Variants in PIEZO2 observed in about 807,000 individuals in gnomAD.
PIEZO2 encodes the protein piezo type mechanosensitive ion channel component 2, also known as piezo-type mechanosensitive ion channel component 2.
PIEZO2 carries 172 observed loss-of-function variants against 337.3 expected under a neutral mutation model. The observed-to-expected ratio is 0.51, with a 90% CI of 0.45 to 0.58. The LOEUF is 0.58. PIEZO2 is among the 20% of genes least tolerant of loss of function. The probability of loss-of-function intolerance (pLI) is 0.00; values close to 1 mark genes in which losing one functional copy is unlikely to be tolerated. For missense variants in PIEZO2, 3,028 were observed against 3,391.3 expected, an observed-to-expected ratio of 0.89 and a Z score of 2.66; for synonymous variants, 1,251 against 1,228.5, an observed-to-expected ratio of 1.02 and a Z score of -0.38.
intron 39 of PIEZO2, among the ~76,000 whole-genome samples, chr18:10,710,627 T>G (rs938385667): frequency 6.6e-6 from 1 of 152,238 alleles, no homozygotes; most frequent in East Asian, 1.9e-4. Flanking sequence ...ACCCAGACTC[T>G]GTCTACTGTC....
intron 2 of PIEZO2, among the ~76,000 whole-genome samples, chr18:11,007,511 G>A (rs1056016718): frequency 6.6e-6 from 1 of 152,102 alleles, no homozygotes; most frequent in African/African-American, 2.4e-5. Context: ...ATTTAAGGAT[G>A]TCAATAAGCC....
At position 10,962,264 on chromosome 18, in the gene PIEZO2, C is replaced by T. The variant is rs1280007247; in HGVS notation, c.286+17271G>A. Among the ~76,000 whole-genome samples the T allele has an allele frequency of 6.6e-6, 1 of 152,188 alleles. No individual in the cohort carries two copies. Among genetic ancestry groups the T allele is most frequent in the Non-Finnish European group, 1.5e-5 (1 of 68,032 alleles). The stretch of plus-strand genomic sequence containing the variant: ...ACTGGCAACAGGTTAAATACGCAAT[C>T]GTAGCCCTTCTCCCATCCATTCTGC... On this transcript the variant is annotated intron_variant, in intron 3 of 55. Coordinates refer to ENST00000674853, the MANE Select transcript of PIEZO2 (RefSeq NM_001378183.1). This position sits in a 1 kb window ranked among gnomAD's most constrained non-coding sequence, Gnocchi z 4.1.
rs576231338 is a variant in PIEZO2, at chr18:10,714,207, A to G, written c.5423+557T>C. ...GGATAAAATGAGGTAACCCAGGTAC[A>G]GTGCTTAGTGCTGGCCCCTGGCGAA... On this transcript the variant is annotated intron_variant, in intron 39 of 55. Transcript: ENST00000674853. Among the ~76,000 whole-genome samples, 12 of 152,328 alleles carry G rather than the reference A, an allele frequency of 7.9e-5. No homozygotes were observed. In the East Asian group the frequency reaches 2.1e-3, roughly 27 times the overall value.
chr18:10,819,494 C>T lies in PIEZO2; in HGVS notation c.918-12220G>A, dbSNP rs889556204. Among the ~76,000 whole-genome samples the T allele has an allele frequency of 4.6e-5, 7 of 152,162 alleles. No individual in the cohort carries two copies. The highest frequency in any genetic ancestry group is 7.4e-5 in the Non-Finnish European group (5 of 68,018). ...CTCAGCTATGAAGGATGTGAAACTG[C>T]CTGTTTCTTTGATCAGATTTTAATG... is the stretch of plus-strand genomic sequence containing the variant. On this transcript the variant is annotated intron_variant, in intron 7 of 55. Coordinates refer to ENST00000674853, the MANE Select transcript of PIEZO2 (RefSeq NM_001378183.1). This position sits in a 1 kb window ranked among gnomAD's most constrained non-coding sequence, Gnocchi z 4.3.
rs1026855034 is a variant in PIEZO2 at position 10,988,283 on chromosome 18, T to C, written c.161-8623A>G. ...TCACCAGACACCAAAGCTGAAGGCA[T>C]GCTGATTTTGGACTTCCCACCCTCT... is the stretch of plus-strand genomic sequence containing the variant. On this transcript the variant is annotated intron_variant, in intron 2 of 55. Coordinates refer to ENST00000674853, the MANE Select transcript of PIEZO2 (RefSeq NM_001378183.1). This position sits in a 1 kb window ranked among gnomAD's most constrained non-coding sequence, Gnocchi z 4.8. Among the ~76,000 whole-genome samples the C allele has an allele frequency of 6.6e-6, 1 of 152,186 alleles. No homozygotes were observed. Among genetic ancestry groups the C allele is most frequent in the Non-Finnish European group, 1.5e-5 (1 of 68,024 alleles).
Position 10,759,650 on chromosome 18 carries a change from C to T in PIEZO2, c.3655+55G>A, listed in dbSNP as rs1288034220. 28 of 1,534,970 alleles carry T rather than the reference C, an allele frequency of 1.8e-5. No homozygotes were observed. The highest frequency in any genetic ancestry group is 8.3e-5 in the South Asian group (7 of 84,010). ...CTTCACCACTCTTCTCCCAGCCGTC[C>T]GCTCAGTAATGGCTTCTTCTAAAAG... is the stretch of plus-strand genomic sequence containing the variant. On this transcript the variant is annotated intron_variant, in intron 25 of 55. Coordinates refer to ENST00000674853, the MANE Select transcript of PIEZO2 (RefSeq NM_001378183.1). The surrounding 1 kb of genome is among the most constrained non-coding windows in gnomAD (Gnocchi z 5.5).
At chr18:11,051,133 T>G (rs1301755305) in intron 2 of PIEZO2, among the ~76,000 whole-genome samples, 1 of 152,140 alleles carries the variant, frequency 6.6e-6, no homozygotes, top group South Asian at 2.1e-4. Flanking sequence ...CACAACCCAA[T>G]GGAAGAGACT....
intron 7 of PIEZO2, among the ~76,000 whole-genome samples, chr18:10,840,912 C>G (rs1441521453): frequency 1.3e-5 from 2 of 152,118 alleles, no homozygotes; most frequent in African/African-American, 4.8e-5. Context: ...AACTCCTTCC[C>G]ATCAGTGATG....
intron 2 of PIEZO2, among the ~76,000 whole-genome samples, chr18:11,008,404 T>C (rs530501712): frequency 6.6e-6 from 1 of 152,216 alleles, no homozygotes; most frequent in African/African-American, 2.4e-5. Context: ...TAGTTCACAC[T>C]GTCAGCTGCT....
At chr18:10,933,368 T>A (rs1712535160) in intron 3 of PIEZO2, among the ~76,000 whole-genome samples, 1 of 152,228 alleles carries the variant, frequency 6.6e-6, no homozygotes, top group African/African-American at 2.4e-5. Flanking sequence ...TCTTCTTCAT[T>A]TCTAAGATTA....
Position 10,953,171 on chromosome 18 carries a change from T to A in PIEZO2, c.286+26364A>T, listed in dbSNP as rs2033373344. Reference sequence around the variant, plus strand: ...AATCAGATATATAGTTTGTAAATACTTTATTCCAATTTGTGGCTTGCCTTT... The same window carrying A: ...AATCAGATATATAGTTTGTAAATACATTATTCCAATTTGTGGCTTGCCTTT... On this transcript the variant is annotated intron_variant, in intron 3 of 55. Transcript: ENST00000674853. This position sits in a 1 kb window ranked among gnomAD's most constrained non-coding sequence, Gnocchi z 5.2. Among the ~76,000 whole-genome samples the A allele has an allele frequency of 6.6e-6, 1 of 152,328 alleles. No individual in the cohort carries two copies. Among genetic ancestry groups the A allele is most frequent in the South Asian group, 2.1e-4 (1 of 4,818 alleles).
rs540592565 is a variant in PIEZO2 at position 11,126,062 on chromosome 18, T to C, written c.64+22463A>G. On this transcript the variant is annotated intron_variant, in intron 1 of 55. Coordinates refer to ENST00000674853, the MANE Select transcript of PIEZO2 (RefSeq NM_001378183.1). This position sits in a 1 kb window ranked among gnomAD's most constrained non-coding sequence, Gnocchi z 4.6. ...AAATACGTTAACTTTCAGTCTGTACTTACCCTTAGACCTGCATTACAAGTA... is the reference window on the plus strand; with the variant it reads ...AAATACGTTAACTTTCAGTCTGTACCTACCCTTAGACCTGCATTACAAGTA... Among the ~76,000 whole-genome samples, 231 of 152,326 alleles carry C rather than the reference T, an allele frequency of 1.5e-3. No individual in the cohort carries two copies. Among genetic ancestry groups the C allele is most frequent in the Non-Finnish European group, 2.8e-3 (188 of 68,028 alleles).
chr18:11,062,309 G>C (rs1488207972), intron 2 of PIEZO2, among the ~76,000 whole-genome samples: 1 of 152,028 alleles, frequency 6.6e-6, no homozygotes, highest in Non-Finnish European at 1.5e-5. Flanking sequence ...AAAAACTCTA[G>C]AAGAAAACCT....
chr18:10,815,612 T>C lies in PIEZO2; in HGVS notation c.918-8338A>G, dbSNP rs905861003. ...GATAGATATCAATTTCTTCCTTGTA[T>C]AAAAGTATAGATGTATATAGTTCAA... On this transcript the variant is annotated intron_variant, in intron 7 of 55. Transcript: ENST00000674853. This position sits in a 1 kb window ranked among gnomAD's most constrained non-coding sequence, Gnocchi z 4.1. 2.0e-5 allele frequency among the ~76,000 whole-genome samples: 3 copies of C among 152,330 alleles called. No homozygotes were observed. The highest frequency in any genetic ancestry group is 7.2e-5 in the African/African-American group (3 of 41,578).
At chr18:10,851,543 T>C (rs1453075577) in intron 7 of PIEZO2, among the ~76,000 whole-genome samples, 1 of 152,232 alleles carries the variant, frequency 6.6e-6, no homozygotes, top group Non-Finnish European at 1.5e-5. Flanking sequence ...GTTATTACAC[T>C]ATTAGAACTG....
chr18:10,768,151 G>C (rs1329845692), intron 21 of PIEZO2, among the ~76,000 whole-genome samples: 1 of 152,180 alleles, frequency 6.6e-6, no homozygotes, highest in Non-Finnish European at 1.5e-5. Context: ...GATAAGAAAG[G>C]AGGAGCTTCT....
chr18:10,926,133 G>A (rs978818126), intron 3 of PIEZO2, among the ~76,000 whole-genome samples: 4 of 152,312 alleles, frequency 2.6e-5, no homozygotes, highest in South Asian at 2.1e-4. Flanking sequence ...GTGCCTACAC[G>A]AGTAGACTTG....
rs539810112 is a variant in PIEZO2 at position 10,705,458 on chromosome 18, G to A, written c.5877C>T (p.Asp1959=). The A allele has an allele frequency of 1.9e-4, 286 of 1,537,250 alleles. No individual in the cohort carries two copies. The highest frequency in any genetic ancestry group is 1.0e-3 in the South Asian group (85 of 84,056). Residue 1959 remains aspartate, a synonymous_variant, in exon 41 of 56, where the codon GAC becomes GAT. Transcript: ENST00000674853. ...CCATACGGTTCTTGCCTGCAGAGTC[G>A]TCCTGCGAGCCGAAGGACAGATGCT... ...SFEHLSFGSQ[D]DSAGKNRMAV... is the part of the protein sequence containing the mutation.
At chr18:10,865,619 T>C (rs772110021) in intron 5 of PIEZO2, among the ~76,000 whole-genome samples, 1 of 151,956 alleles carries the variant, frequency 6.6e-6, no homozygotes, top group Non-Finnish European at 1.5e-5. Flanking sequence ...GGAGTGGAGG[T>C]AGGGGAAGGA....
Sources: allele counts gnomAD v4.1 joint callset (sites outside exome capture counted in the v4.1 genomes callset), GRCh38; gene constraint gnomAD v4.1.1; non-coding constraint Gnocchi (gnomAD v3.1); transcripts MANE v1.5; gene names NCBI Gene and HGNC (gene_info 2026-07-23, HGNC 2026-07-21).